Variants in MICAL3 observed in about 807,000 individuals in gnomAD.
The protein encoded by MICAL3 is [F-actin]-monooxygenase MICAL3.
A neutral mutation model predicts 207.4 loss-of-function variants in MICAL3; 62 were observed. The ratio of observed to expected loss-of-function variants is 0.30; its 90% CI spans 0.24 to 0.37. The LOEUF (loss-of-function observed/expected upper bound fraction) is 0.37, where lower values mean the gene tolerates loss of function less well. Ranked by LOEUF, MICAL3 falls within the 10% of genes least tolerant of loss-of-function variation. MICAL3 has a pLI of 1.00. For synonymous variants in MICAL3, 1,077 were observed against 1,069.3 expected (o/e 1.01, Z -0.14); for missense variants, 2,368 against 2,635.6 (o/e 0.90, Z 2.22).
chr22:17,974,606 T>A (rs1011687442), intron 1 of MICAL3, among the ~76,000 whole-genome samples: 1 of 151,836 alleles, frequency 6.6e-6, no homozygotes, highest in Non-Finnish European at 1.5e-5. Context: ...CACCTGTAAT[T>A]CCAGCTACTT....
intron 19 of MICAL3, 33 bp downstream of exon 19, chr22:17,864,866 G>C (rs776653994): frequency 7.4e-6 from 12 of 1,613,864 alleles, no homozygotes; most frequent in Non-Finnish European, 1.0e-5. Flanking sequence ...AGGGAGTGAC[G>C]CGCCACCCAG....
intron 1 of MICAL3, among the ~76,000 whole-genome samples, chr22:17,916,686 G>A (rs750942212): frequency 2.0e-4 from 31 of 152,046 alleles, no homozygotes; most frequent in South Asian, 6.2e-4. Flanking sequence ...CAACCCCACC[G>A]GCCTCCAGGA....
intron 1 of MICAL3, among the ~76,000 whole-genome samples, chr22:17,919,077 T>G (rs182696628): frequency 2.7e-4 from 20 of 73,978 alleles, no homozygotes; most frequent in Admixed American, 1.9e-3. Context: ...TTTTTGTGGG[T>G]TTTTTTTTTT....
chr22:17,902,581 C>A lies in MICAL3; in HGVS notation c.589+50G>T. 1 of 1,118,490 alleles carries A rather than the reference C, an allele frequency of 8.9e-7. No individual in the cohort carries two copies. The highest frequency in any genetic ancestry group is 1.3e-6 in the Non-Finnish European group (1 of 756,160). The allele number at this position is 1,118,490 out of a possible 1,614,324, so 69.3% of individuals were successfully genotyped here. On this transcript the variant is annotated intron_variant, in intron 4 of 31. Transcript: ENST00000441493. The surrounding 1 kb of genome is among the most constrained non-coding windows in gnomAD (Gnocchi z 4.5). ...TTTGCTCCCTCAATCTCATCTTCCT[C>A]ACCCATCAACACCCTCTCACGCCTT...
chr22:17,919,594 G>A (rs144323186), intron 1 of MICAL3, among the ~76,000 whole-genome samples: 1 of 152,380 alleles, frequency 6.6e-6, no homozygotes, highest in East Asian at 1.9e-4. Flanking sequence ...TGAACTGTGT[G>A]CTTTCAGGCA....
At chr22:17,887,125 G>A (rs1479239982) in intron 15 of MICAL3, 45 bp downstream of exon 15, 11 of 1,465,144 alleles carry the variant, frequency 7.5e-6, no homozygotes, top group Middle Eastern at 3.4e-4. Flanking sequence ...ACCAAAAGGG[G>A]CTATTCCACA....
chr22:17,923,898 A>G (rs1932853839), intron 1 of MICAL3, among the ~76,000 whole-genome samples: 1 of 152,264 alleles, frequency 6.6e-6, no homozygotes, highest in Non-Finnish European at 1.5e-5. Flanking sequence ...TAAAGGAAAG[A>G]GGTTTAATTG....
chr22:17,952,597 C>T (rs1335962282), intron 1 of MICAL3, among the ~76,000 whole-genome samples: 1 of 152,214 alleles, frequency 6.6e-6, no homozygotes, highest in Non-Finnish European at 1.5e-5. Context: ...AAACACCAAG[C>T]AGCCAATCAC....
rs117130251 is a variant in MICAL3 at position 17,809,035 on chromosome 22, C to T, written c.5557-98G>A. On this transcript the variant is annotated intron_variant, in intron 28 of 31. Transcript: ENST00000441493. ...ACACGAGGGGAAACACAGGAGTTGC[C>T]GCTCTGGAAAGGGCTCTAGTCTGTG... 1.9e-4 allele frequency: 201 copies of T among 1,066,228 alleles called. 1 individual carries two copies. The East Asian group carries it at 4.5e-3, about 24-fold the overall frequency. 66.0% of individuals were successfully genotyped at this position (1,066,228 alleles called of 1,614,324 possible). A position where few individuals can be genotyped will look rare whatever the true frequency, so the allele number is the denominator to read the frequency against.
At chr22:17,869,217 T>C (rs567512860) in intron 17 of MICAL3, among the ~76,000 whole-genome samples, 2 of 152,090 alleles carry the variant, frequency 1.3e-5, no homozygotes, top group Admixed American at 6.5e-5. Flanking sequence ...TGGGACAAGG[T>C]TGTGGGCTCT....
chr22:17,824,170 C>T (rs932838047), intron 22 of MICAL3, among the ~76,000 whole-genome samples: 69 of 152,274 alleles, frequency 4.5e-4, no homozygotes, highest in African/African-American at 1.5e-3. Flanking sequence ...CTGTGAGACC[C>T]GCACCACCTG....
At chr22:17,864,645 A>G (rs1366103346) in intron 19 of MICAL3, 1 of 1,591,332 alleles carries the variant, frequency 6.3e-7, no homozygotes, top group South Asian at 1.1e-5. Flanking sequence ...CGCCCACCGG[A>G]CGGCCCCATC....
chr22:17,996,255 C>T lies in MICAL3; in HGVS notation c.-75+28026G>A, dbSNP rs559427501. Among the ~76,000 whole-genome samples the T allele has an allele frequency of 1.1e-4, 17 of 151,402 alleles. No individual in the cohort carries two copies. The South Asian group carries it at 1.7e-3, about 15-fold the overall frequency. On this transcript the variant is annotated intron_variant, in intron 1 of 31. Transcript: ENST00000441493. ...GAGATCGAGACCATCCTGGCTAACA[C>T]GGTGAAACCTTGTCTCTACTAAAAA...
At chr22:17,890,353 C>A (rs936806532) in intron 12 of MICAL3, among the ~76,000 whole-genome samples, 5 of 152,094 alleles carry the variant, frequency 3.3e-5, no homozygotes, top group Admixed American at 6.5e-5. Flanking sequence ...CCTCCACCCC[C>A]ACCTGCTAGG....
intron 1 of MICAL3, among the ~76,000 whole-genome samples, chr22:17,934,089 C>T (rs141245811): frequency 0.014 from 2,059 of 152,186 alleles, 48 homozygotes; most frequent in African/African-American, 0.047. Context: ...TTCCAATCAA[C>T]AGAAAAAGAG....
At position 17,864,005 on chromosome 22, in the gene MICAL3, C is replaced by T. The variant is rs371703344; in HGVS notation, c.2605+894G>A. 289 of 985,514 alleles carry T rather than the reference C, an allele frequency of 2.9e-4. No homozygotes were observed. The Middle Eastern group carries it at 3.7e-3, about 12-fold the overall frequency. The allele number at this position is 985,514 out of a possible 1,614,324, so 61.0% of individuals were successfully genotyped here. ...CCCCTCTTGCCACAGTGACCCTGGG[C>T]CGTGAACCACCTGGAGCTGTATGTG... On this transcript the variant is annotated intron_variant, in intron 19 of 31. Transcript: ENST00000441493.
intron 18 of MICAL3, 90 bp downstream of exon 18, chr22:17,865,834 G>A: frequency 3.0e-6 from 3 of 1,006,868 alleles, no homozygotes; most frequent in Admixed American, 1.7e-5. Flanking sequence ...AAGGACGCAG[G>A]GGCATTTGCA....
chr22:17,877,513 GGGAGGTTAGGGAGGTGAGGGAGGTTAT>G (rs1928918527), intron 16 of MICAL3, among the ~76,000 whole-genome samples: 2 of 80,876 alleles, frequency 2.5e-5, no homozygotes, highest in Non-Finnish European at 5.0e-5. Flanking sequence ...ATGGAGGTTA[GGGAGGTTAGGGAGGTGAGGGAGGTTAT>G]GGAGGTGAGG....
At chr22:17,888,670 T>A (rs1167409608) in intron 13 of MICAL3, among the ~76,000 whole-genome samples, 2 of 152,144 alleles carry the variant, frequency 1.3e-5, no homozygotes, top group Non-Finnish European at 2.9e-5. Context: ...AGCCGGATTA[T>A]AACCCGTTAC....
Sources: allele counts gnomAD v4.1 joint callset (sites outside exome capture counted in the v4.1 genomes callset), GRCh38; gene constraint gnomAD v4.1.1; non-coding constraint Gnocchi (gnomAD v3.1); transcripts MANE v1.5; gene names NCBI Gene and HGNC (gene_info 2026-07-23, HGNC 2026-07-21).